COL22A1: variants seen among roughly 807,000 people sequenced by gnomAD.
The protein encoded by COL22A1 is collagen type XXII alpha 1 chain.
In COL22A1, 221 loss-of-function variants were observed where a neutral mutation model predicts 248.9. The observed-to-expected ratio is 0.89, with a 90% CI of 0.80 to 0.99. COL22A1 has a LOEUF of 0.99. COL22A1 is among the 50% of genes least tolerant of loss of function. The probability of loss-of-function intolerance (pLI) is 0.00; values close to 1 mark genes in which losing one functional copy is unlikely to be tolerated. For synonymous variants in COL22A1, 891 were observed against 793.4 expected (o/e 1.12, Z -2.07); for missense variants, 2,240 against 2,179.0 (o/e 1.03, Z -0.56).
chr8:138,832,404 G>T (rs951960637), intron 5 of COL22A1, among the ~76,000 whole-genome samples: 1 of 152,144 alleles, frequency 6.6e-6, no homozygotes, highest in African/African-American at 2.4e-5. Context: ...GTTTTCAAAA[G>T]ATTTGTCTGC....
At chr8:138,844,685 TCACGC>T (rs1265098056) in intron 3 of COL22A1, among the ~76,000 whole-genome samples, 1 of 151,592 alleles carries the variant, frequency 6.6e-6, no homozygotes, top group Non-Finnish European at 1.5e-5. Flanking sequence ...GCGCGGTGGC[TCACGC>T]CTGTAATCCC....
At chr8:138,877,126 C>T (rs1300305568) in intron 3 of COL22A1, among the ~76,000 whole-genome samples, 1 of 152,102 alleles carries the variant, frequency 6.6e-6, no homozygotes, top group East Asian at 1.9e-4. Flanking sequence ...CCACCCCCAG[C>T]CACAATCAAC....
intron 1 of COL22A1, among the ~76,000 whole-genome samples, chr8:138,908,291 A>G (rs1290322558): frequency 6.6e-6 from 1 of 152,252 alleles, no homozygotes; most frequent in Non-Finnish European, 1.5e-5. Flanking sequence ...GTTTGGATAT[A>G]CATCAGTTGT....
intron 1 of COL22A1, among the ~76,000 whole-genome samples, chr8:138,910,470 A>G (rs898302890): frequency 6.6e-6 from 1 of 152,176 alleles, no homozygotes; most frequent in African/African-American, 2.4e-5. Context: ...CTCAAAATGC[A>G]GTTCCGGCAA....
chr8:138,669,700 G>A (rs377363221), intron 41 of COL22A1, among the ~76,000 whole-genome samples: 10 of 152,134 alleles, frequency 6.6e-5, no homozygotes, highest in African/African-American at 1.9e-4. Flanking sequence ...CTGGACTGCC[G>A]GGAAGACCAG....
intron 51 of COL22A1, 51 bp downstream of exon 51, chr8:138,626,138 TA>T: frequency 7.0e-7 from 1 of 1,424,986 alleles, no homozygotes; most frequent in South Asian, 1.3e-5. Context: ...TTTGTTTTTA[TA>T]AAGAGAAACT....
intron 58 of COL22A1, among the ~76,000 whole-genome samples, chr8:138,605,726 G>C (rs1818371260): frequency 6.6e-6 from 1 of 152,154 alleles, no homozygotes; most frequent in South Asian, 2.1e-4. Flanking sequence ...GATGACACCA[G>C]AGGGCTCCAC....
In COL22A1 at chr8:138,686,668, A is replaced by G. The variant is rs553205756; in HGVS notation, c.2863-1356T>C. Among the ~76,000 whole-genome samples, 19 of 152,268 alleles carry G rather than the reference A, an allele frequency of 1.2e-4. No homozygotes were observed. In the East Asian group the frequency reaches 3.5e-3, roughly 28 times the overall value. ...CGGCCCTCAGCCTGGGCCTCTGCTC[A>G]GCCAAGGAAAGGCATTTGGCTCCCT... On this transcript the variant is annotated intron_variant, in intron 37 of 64. Transcript: ENST00000303045.
chr8:138,663,080 T>C (rs1197936189), intron 42 of COL22A1, among the ~76,000 whole-genome samples: 2 of 150,148 alleles, frequency 1.3e-5, no homozygotes, highest in Non-Finnish European at 3.0e-5. Flanking sequence ...AAATAAAGGT[T>C]ATTTAAAATA....
In COL22A1 at chr8:138,778,268, T is replaced by C. The variant is rs371950244; in HGVS notation, c.1758+85A>G. ...AGGCAAAACAGCATTACTGTCTAGA[T>C]GCAGGTGGAGGAACTTGCTAGAACC... On this transcript the variant is annotated intron_variant, in intron 15 of 64. Transcript: ENST00000303045. 9.6e-6 allele frequency: 14 copies of C among 1,450,934 alleles called. No individual in the cohort carries two copies. The African/African-American group carries it at 2.0e-4, about 20-fold the overall frequency. The allele number at this position is 1,450,934 out of a possible 1,614,324, so 89.9% of individuals were successfully genotyped here. A position where few individuals can be genotyped will look rare whatever the true frequency, so the allele number is the denominator to read the frequency against.
At chr8:138,794,393 A>C (rs1416158863) in intron 12 of COL22A1, among the ~76,000 whole-genome samples, 1 of 152,150 alleles carries the variant, frequency 6.6e-6, no homozygotes, top group Admixed American at 6.5e-5. Flanking sequence ...CTCCAAAAAA[A>C]AAAAAAAGGA....
At position 138,762,400 on chromosome 8, in the gene COL22A1, A is replaced by C; in HGVS notation, c.1857+13T>G. ...TGATGAAACCTAGCCCAACAGCGCC[A>C]GCACCCACCTACCTGCTGTCCTGTG... On this transcript the variant is annotated intron_variant, in intron 17 of 64. Transcript: ENST00000303045. 1 of 1,613,876 alleles carries C rather than the reference A, an allele frequency of 6.2e-7. No individual in the cohort carries two copies. The highest frequency in any genetic ancestry group is 8.5e-7 in the Non-Finnish European group (1 of 1,179,862).
chr8:138,690,702 A>C, intron 36 of COL22A1, 119 bp downstream of exon 36: 1 of 746,840 alleles, frequency 1.3e-6, no homozygotes, highest in Non-Finnish European at 2.0e-6. Context: ...CTCCGTCTGG[A>C]AAATGGGAGT....
intron 41 of COL22A1, among the ~76,000 whole-genome samples, chr8:138,674,692 G>A (rs1008649042): frequency 6.6e-6 from 1 of 152,174 alleles, no homozygotes; most frequent in Non-Finnish European, 1.5e-5. Context: ...AGGTGAATCT[G>A]CAGGGAGTAG....
intron 1 of COL22A1, among the ~76,000 whole-genome samples, chr8:138,887,938 A>G (rs1187668082): frequency 6.6e-6 from 1 of 152,214 alleles, no homozygotes; most frequent in Non-Finnish European, 1.5e-5. Flanking sequence ...ACTCAACAGA[A>G]GAGGCATTGT....
At chr8:138,841,157 T>A (rs1459152366) in intron 4 of COL22A1, among the ~76,000 whole-genome samples, 3 of 152,158 alleles carry the variant, frequency 2.0e-5, no homozygotes, top group Non-Finnish European at 4.4e-5. Context: ...TTGATTAATG[T>A]TTCTTATTTT....
At chr8:138,849,364 T>C (rs570037776) in intron 3 of COL22A1, among the ~76,000 whole-genome samples, 8 of 152,360 alleles carry the variant, frequency 5.3e-5, no homozygotes, top group South Asian at 4.1e-4. Flanking sequence ...ACACATTTAA[T>C]TGAATCCTTA....
At chr8:138,712,506 G>C (rs1185210307) in intron 30 of COL22A1, among the ~76,000 whole-genome samples, 1 of 152,120 alleles carries the variant, frequency 6.6e-6, no homozygotes, top group African/African-American at 2.4e-5. Flanking sequence ...TATCAGCAGG[G>C]TGTATGTGTT....
chr8:138,850,119 T>C (rs1821520398), intron 3 of COL22A1, among the ~76,000 whole-genome samples: 1 of 152,130 alleles, frequency 6.6e-6, no homozygotes, highest in Admixed American at 6.5e-5. Context: ...GGTTCAGACA[T>C]TGGGTTCTTA....
Sources: allele counts gnomAD v4.1 joint callset (sites outside exome capture counted in the v4.1 genomes callset), GRCh38; gene constraint gnomAD v4.1.1; transcripts MANE v1.5; gene names NCBI Gene and HGNC (gene_info 2026-07-23, HGNC 2026-07-21).